REV1: variants seen among roughly 807,000 people sequenced by gnomAD.
REV1 encodes the protein translesion synthesis protein REV1.
A neutral mutation model predicts 137.4 loss-of-function variants in REV1; 42 were observed. The observed-to-expected ratio is 0.31, with a 90% CI of 0.24 to 0.40. REV1 has a LOEUF of 0.40. Ranked by LOEUF, REV1 falls within the 10% of genes least tolerant of loss-of-function variation. REV1 has a pLI of 1.00. For synonymous variants in REV1, 524 were observed against 519.2 expected (o/e 1.01, Z -0.12); for missense variants, 1,282 against 1,490.1 (o/e 0.86, Z 2.30).
intron 4 of REV1, among the ~76,000 whole-genome samples, chr2:99,447,332 C>G (rs982695604): frequency 6.6e-6 from 1 of 151,932 alleles, no homozygotes; most frequent in Non-Finnish European, 1.5e-5. Context: ...GCCACCACGC[C>G]CAGCTAATTT....
Position 99,408,033 on chromosome 2 carries a change from C to G in REV1, c.2444G>C (p.Arg815Thr), listed in dbSNP as rs573302517. Residue 815 changes from arginine to threonine, a missense_variant, in exon 15 of 23, where the codon AGA becomes ACA. Physicochemically the swap from Arg to Thr is moderately conservative, Grantham distance 71. This residue lies in a region of REV1 where 372 missense variants were observed against 482.3 expected (regional missense o/e 0.77). Transcript: ENST00000258428. ...HTMKLNISDM[R>T]GVGIHVNQLV... ...ACAATGTTACTATATACTTACCCCT[C>G]TCATATCTGATATATTTAGTTTCAT... The G allele has an allele frequency of 6.4e-7, 1 of 1,560,326 alleles. No individual in the cohort carries two copies. The highest frequency in any genetic ancestry group is 1.4e-5 in the African/African-American group (1 of 73,328).
chr2:99,421,636 T>G lies in REV1; in HGVS notation c.1694A>C (p.Glu565Ala), dbSNP rs1197926132. 6.2e-7 allele frequency: 1 copy of G among 1,613,962 alleles called. No individual in the cohort carries two copies. The highest frequency in any genetic ancestry group is 8.5e-7 in the Non-Finnish European group (1 of 1,179,976). Residue 565 changes from glutamate to alanine, a missense_variant, in exon 11 of 23, where the codon GAA becomes GCA. By Grantham distance (107) the Glu-to-Ala change is moderately radical. This residue lies in a region of REV1 where 372 missense variants were observed against 482.3 expected (regional missense o/e 0.77). Coordinates refer to ENST00000258428, the MANE Select transcript of REV1 (RefSeq NM_016316.4). ...CAGCGCTTCATCACAACTGACAGCT[T>G]CAATGTTATGAGTGTAGCTATCAAC... is the stretch of plus-strand genomic sequence containing the variant. ...ETLASYTHNIEAVSCDEALVD... is the reference protein window; with the variant it reads ...ETLASYTHNIAAVSCDEALVD...
chr2:99,439,875 C>CATTAAAT, intron 5 of REV1, among the ~76,000 whole-genome samples: 1 of 152,280 alleles, frequency 6.6e-6, no homozygotes, highest in Non-Finnish European at 1.5e-5. Flanking sequence ...CTATTCAACA[C>CATTAAAT]ATTAAATCTA....
At chr2:99,435,725 A>C in intron 7 of REV1, 109 bp downstream of exon 7, 2 of 602,840 alleles carry the variant, frequency 3.3e-6, no homozygotes, top group Non-Finnish European at 5.5e-6. Flanking sequence ...GGAAGAACCG[A>C]TTTTCCCAAG....
At chr2:99,451,483 GTGAAGCA>G in intron 3 of REV1, 1 of 1,303,986 alleles carries the variant, frequency 7.7e-7, no homozygotes, top group Non-Finnish European at 1.0e-6. Flanking sequence ...TCAGTGTGAA[GTGAAGCA>G]TGAAAACCAA....
At chr2:99,456,655 A>C (rs1377679015) in intron 3 of REV1, among the ~76,000 whole-genome samples, 1 of 152,236 alleles carries the variant, frequency 6.6e-6, no homozygotes, top group East Asian at 1.9e-4. Context: ...AGACCTAACA[A>C]CACAAGACAA....
chr2:99,457,555 T>A (rs936509694), intron 3 of REV1, among the ~76,000 whole-genome samples: 1 of 152,024 alleles, frequency 6.6e-6, no homozygotes. Flanking sequence ...CATCATGGCA[T>A]GTGCCTGTAA....
At position 99,410,703 on chromosome 2, in the gene REV1, G is replaced by C. The variant is rs745994494; in HGVS notation, c.2337C>G (p.Asn779Lys). ...TTCTGAGGTGAGCTTACCTGGCAAT[G>C]TTATCACAAATTCCATGGCCTCCAA... ...AKFGGHGICD[N>K]IARTVTLDQA... The change falls in exon 14 of 23, where the codon AAC (asparagine) becomes AAG (lysine). Residue 779 changes from asparagine (N) to lysine (K), a missense_variant. Around this residue, in one of 7 missense-constraint regions of REV1, gnomAD observed 372 missense variants for 482.3 expected, o/e 0.77. Transcript: ENST00000258428. The C allele has an allele frequency of 6.3e-7, 1 of 1,587,896 alleles. No homozygotes were observed. The highest frequency in any genetic ancestry group is 8.5e-7 in the Non-Finnish European group (1 of 1,173,004).
At chr2:99,412,181 C>A (rs558278484) in intron 13 of REV1, among the ~76,000 whole-genome samples, 144 of 146,878 alleles carry the variant, frequency 9.8e-4, no homozygotes, top group African/African-American at 3.2e-3. Context: ...TGCAGTGAGC[C>A]GAGACTGCGC....
intron 19 of REV1, 23 bp from the exon 20 acceptor site, chr2:99,403,129 T>G (rs770480152): frequency 6.6e-7 from 1 of 1,519,180 alleles, no homozygotes; most frequent in South Asian, 1.2e-5. Context: ...GGATATAAGA[T>G]CCTCAACAAA....
chr2:99,415,432 C>T (rs1158789672), intron 12 of REV1, among the ~76,000 whole-genome samples: 1 of 152,194 alleles, frequency 6.6e-6, no homozygotes, highest in East Asian at 1.9e-4. Flanking sequence ...ATAATGTCCC[C>T]TCCTTGGCAT....
upstream of REV1, chr2:99,490,078 G>GCTCCC (rs1687558501): frequency 8.8e-5 from 3 of 33,974 alleles, no homozygotes; most frequent in South Asian, 2.0e-3. Context: ...CGTTCCGCGC[G>GCTCCC]CGCTCCCCGG....
intron 2 of REV1, chr2:99,462,886 G>C (rs1467628522): frequency 3.6e-6 from 1 of 277,274 alleles, no homozygotes; most frequent in Non-Finnish European, 6.6e-6. Context: ...TCAGGAGTTT[G>C]AGACCAGCTT....
chr2:99,446,554 G>A (rs1243781633), intron 4 of REV1, among the ~76,000 whole-genome samples: 1 of 152,062 alleles, frequency 6.6e-6, no homozygotes, highest in African/African-American at 2.4e-5. Context: ...GAGTGTACTG[G>A]CGTGATCTCG....
intron 1 of REV1, among the ~76,000 whole-genome samples, chr2:99,479,642 A>C (rs775370047): frequency 6.6e-6 from 1 of 152,038 alleles, no homozygotes; most frequent in Non-Finnish European, 1.5e-5. Context: ...AAATAAAAAT[A>C]ATAAAAAGAG....
At chr2:99,403,952 C>CTTTTTGATT in intron 18 of REV1, 137 bp from the exon 19 acceptor site, 1 of 1,030,012 alleles carries the variant, frequency 9.7e-7, no homozygotes, top group Non-Finnish European at 1.4e-6. Flanking sequence ...TCCCCAATAT[C>CTTTTTGATT]AAAGCTGATT....
intron 12 of REV1, among the ~76,000 whole-genome samples, chr2:99,417,912 A>G (rs1678109506): frequency 6.6e-6 from 1 of 152,266 alleles, no homozygotes; most frequent in African/African-American, 2.4e-5. Flanking sequence ...TTGATTTTAT[A>G]AAGTATTCTC....
chr2:99,409,864 C>G lies in REV1; in HGVS notation c.2345+831G>C, dbSNP rs1023924734. Among the ~76,000 whole-genome samples the G allele has an allele frequency of 1.0e-3, 139 of 135,256 alleles. 5 individuals carry two copies. In the East Asian group the frequency reaches 0.03, roughly 29 times the overall value. The allele number at this position is 135,256 out of a possible 152,430, so 88.7% of individuals were successfully genotyped here. ...TCTCAAAACAAACAACCCCCCCCCC[C>G]CCCAAAAAAAACAGCGTTTTTAAAT... On this transcript the variant is annotated intron_variant, in intron 14 of 22. Transcript: ENST00000258428.
chr2:99,487,649 T>C (rs1243010017), intron 1 of REV1, among the ~76,000 whole-genome samples: 1 of 118,584 alleles, frequency 8.4e-6, no homozygotes, highest in Non-Finnish European at 1.8e-5. Context: ...AAAAAAAAAC[T>C]TTTCATTTTT....
Sources: allele counts gnomAD v4.1 joint callset (sites outside exome capture counted in the v4.1 genomes callset), GRCh38; gene constraint gnomAD v4.1.1; regional missense constraint gnomAD v4.1.1; transcripts MANE v1.5; gene names NCBI Gene and HGNC (gene_info 2026-07-23, HGNC 2026-07-21).